The following NRXN3 variants were observed in gnomAD, a reference collection of about 807,000 sequenced individuals.
NRXN3 encodes neurexin 3, also known as neurexin III.
In NRXN3, 32 loss-of-function variants were observed where a neutral mutation model predicts 137.6. That is an observed-to-expected ratio of 0.23 (90% CI 0.18 to 0.31). The LOEUF (loss-of-function observed/expected upper bound fraction) is 0.31. Among genes scored for constraint, NRXN3 ranks in the 10% least tolerant of loss-of-function variants. NRXN3 has a pLI of 1.00. For missense variants in NRXN3, 1,574 were observed against 2,062.5 expected (o/e 0.76, Z 4.59); for synonymous variants, 798 against 784.5 (o/e 1.02, Z -0.29).
chr14:79,500,672 G>C (rs971105620), intron 16 of NRXN3, among the ~76,000 whole-genome samples: 1 of 152,078 alleles, frequency 6.6e-6, no homozygotes, highest in Non-Finnish European at 1.5e-5. Context: ...ATCAAGGCTT[G>C]GCATAATTGG....
chr14:78,666,847 A>C (rs1457086378), intron 6 of NRXN3, among the ~76,000 whole-genome samples: 3 of 152,090 alleles, frequency 2.0e-5, no homozygotes, highest in African/African-American at 7.2e-5. Context: ...GTGCCCAGCA[A>C]AGCATGTCTT....
intron 16 of NRXN3, among the ~76,000 whole-genome samples, chr14:79,521,198 C>T (rs558477671): frequency 1.3e-5 from 2 of 152,172 alleles, no homozygotes; most frequent in Non-Finnish European, 2.9e-5. Context: ...TCCTGGTCCT[C>T]TCCTGTTACT....
intron 16 of NRXN3, among the ~76,000 whole-genome samples, chr14:79,477,305 A>G (rs2096568627): frequency 6.6e-6 from 1 of 152,144 alleles, no homozygotes; most frequent in Admixed American, 6.6e-5. Flanking sequence ...AATATGGATT[A>G]GCACAAAGAA....
At chr14:79,790,315 G>C (rs1386545950) in intron 19 of NRXN3, among the ~76,000 whole-genome samples, 1 of 136,200 alleles carries the variant, frequency 7.3e-6, no homozygotes, top group Non-Finnish European at 1.6e-5. Flanking sequence ...GAGACAGGAG[G>C]AGGAGGCGCC....
intron 6 of NRXN3, among the ~76,000 whole-genome samples, chr14:78,655,443 A>G (rs1383858177): frequency 6.6e-6 from 1 of 152,154 alleles, no homozygotes; most frequent in Non-Finnish European, 1.5e-5. Flanking sequence ...AAAAAACCCC[A>G]TCATTCTGAG....
intron 4 of NRXN3, among the ~76,000 whole-genome samples, chr14:78,516,590 C>T (rs553526363): frequency 5.3e-5 from 8 of 151,626 alleles, no homozygotes; most frequent in Non-Finnish European, 8.8e-5. Context: ...TGGAGAGCAC[C>T]GAGGTCAACA....
chr14:79,034,460 A>G (rs1346233907), intron 15 of NRXN3, among the ~76,000 whole-genome samples: 1 of 151,928 alleles, frequency 6.6e-6, no homozygotes, highest in Non-Finnish European at 1.5e-5. Context: ...GAGAAGAACA[A>G]TTTTGGGGCA....
chr14:78,974,963 A>C (rs1477342561), intron 14 of NRXN3, among the ~76,000 whole-genome samples: 1 of 152,242 alleles, frequency 6.6e-6, no homozygotes, highest in Non-Finnish European at 1.5e-5. Context: ...TAGATGAGTC[A>C]ACAGCTTAAG....
At chr14:79,504,670 T>TATATATATATATATATATATATATAA (rs1297701522) in intron 16 of NRXN3, among the ~76,000 whole-genome samples, 8 of 143,110 alleles carry the variant, frequency 5.6e-5, no homozygotes, top group African/African-American at 1.6e-4. Flanking sequence ...TATATATATA[T>TATATATATATATATATATATATATAA]ATATAAAACA....
rs17107689 is a variant in NRXN3, at chr14:78,470,514, A to C, written c.757+172654A>C. Among the ~76,000 whole-genome samples the C allele has an allele frequency of 8.5e-3, 1,295 of 152,176 alleles. 18 individuals carry two copies. The highest frequency in any genetic ancestry group is 0.03 in the African/African-American group (1,242 of 41,530). On this transcript the variant is annotated intron_variant, in intron 4 of 20. Coordinates refer to ENST00000335750, the MANE Select transcript of NRXN3 (RefSeq NM_001330195.2). Reference sequence around the variant, plus strand: ...ACACCTTTCCTTAAAGAGTTTCCAAAAATGTTCTGCATGAGGAATCACCAT... The same window carrying C: ...ACACCTTTCCTTAAAGAGTTTCCAACAATGTTCTGCATGAGGAATCACCAT...
intron 15 of NRXN3, among the ~76,000 whole-genome samples, chr14:79,066,763 G>C (rs1010860743): frequency 5.9e-5 from 9 of 151,952 alleles, no homozygotes; most frequent in Non-Finnish European, 1.0e-4. Flanking sequence ...TTGGCTCTCT[G>C]CTTGCCTTTT....
At chr14:78,900,217 A>G (rs1261736454) in intron 10 of NRXN3, among the ~76,000 whole-genome samples, 1 of 150,878 alleles carries the variant, frequency 6.6e-6, no homozygotes, top group Non-Finnish European at 1.5e-5. Context: ...TTTTTTTTCT[A>G]TTGTTATAGA....
chr14:78,693,656 CGTGTGTGTGT>C (rs4016744), intron 6 of NRXN3, among the ~76,000 whole-genome samples: 6,239 of 113,938 alleles, frequency 0.055, 223 homozygotes, highest in African/African-American at 0.068. Flanking sequence ...AGTTGATTTT[CGTGTGTGTGT>C]GTGTGTGTGT....
At chr14:78,604,231 T>C (rs895770981) in intron 4 of NRXN3, among the ~76,000 whole-genome samples, 1 of 152,134 alleles carries the variant, frequency 6.6e-6, no homozygotes. Context: ...TTGGGAATTA[T>C]GGGAGCTACA....
At chr14:78,823,274 A>G (rs2098956428) in intron 10 of NRXN3, among the ~76,000 whole-genome samples, 1 of 151,682 alleles carries the variant, frequency 6.6e-6, no homozygotes, top group East Asian at 1.9e-4. Flanking sequence ...CTTCCATTGT[A>G]CTCTAGTCCT....
chr14:79,802,654 G>A (rs1031162169), intron 19 of NRXN3, among the ~76,000 whole-genome samples: 12 of 151,990 alleles, frequency 7.9e-5, no homozygotes, highest in South Asian at 2.1e-4. Context: ...TATAATTGCC[G>A]TATTTATTTC....
intron 15 of NRXN3, among the ~76,000 whole-genome samples, chr14:79,207,325 A>C (rs1257804920): frequency 2.0e-5 from 3 of 152,208 alleles, no homozygotes; most frequent in Admixed American, 2.0e-4. Context: ...CCCCAAGCGA[A>C]CATGACACTT....
At chr14:79,774,377 A>C (rs944048843) in intron 19 of NRXN3, among the ~76,000 whole-genome samples, 2 of 152,180 alleles carry the variant, frequency 1.3e-5, no homozygotes, top group African/African-American at 4.8e-5. Flanking sequence ...TGCCAGGCTT[A>C]TGGCGACCTT....
intron 10 of NRXN3, among the ~76,000 whole-genome samples, chr14:78,840,727 T>C (rs2099010032): frequency 6.6e-6 from 1 of 152,180 alleles, no homozygotes; most frequent in Non-Finnish European, 1.5e-5. Flanking sequence ...AGTGACACTT[T>C]ACTTTCACAT....
Sources: allele counts gnomAD v4.1 joint callset (sites outside exome capture counted in the v4.1 genomes callset), GRCh38; gene constraint gnomAD v4.1.1; transcripts MANE v1.5; gene names NCBI Gene and HGNC (gene_info 2026-07-23, HGNC 2026-07-21).